CSMD1: variants seen among roughly 807,000 people sequenced by gnomAD.
The protein encoded by CSMD1 is CUB and Sushi multiple domains 1, also known as CUB and sushi domain-containing protein 1.
Under a neutral mutation model 417.5 loss-of-function variants are expected in CSMD1, and 213 were observed. That is an observed-to-expected ratio of 0.51 (90% CI 0.46 to 0.57). CSMD1 has a LOEUF of 0.57. CSMD1 is among the 20% of genes least tolerant of loss of function. The pLI is 0.00. For synonymous variants in CSMD1, 2,862 were observed against 1,736.8 expected (o/e 1.65, Z -16.11); for missense variants, 6,923 against 4,529.7 (o/e 1.53, Z -15.17).
At chr8:4,412,253 T>C (rs534664636) in intron 3 of CSMD1, among the ~76,000 whole-genome samples, 1 of 152,244 alleles carries the variant, frequency 6.6e-6, no homozygotes, top group East Asian at 1.9e-4. Flanking sequence ...GACTAGATCA[T>C]GGTGGGGCAG....
intron 2 of CSMD1, among the ~76,000 whole-genome samples, chr8:4,633,964 C>A (rs1391529101): frequency 6.7e-6 from 1 of 150,108 alleles, no homozygotes; most frequent in Non-Finnish European, 1.5e-5. Flanking sequence ...TAAAGTTCAG[C>A]TGTTTAAAAC....
intron 1 of CSMD1, among the ~76,000 whole-genome samples, chr8:4,674,723 A>T (rs914971058): frequency 6.6e-6 from 1 of 152,218 alleles, no homozygotes; most frequent in East Asian, 1.9e-4. Context: ...GTGCAAATAC[A>T]TATAGAAGAA....
chr8:4,538,304 A>G lies in CSMD1; in HGVS notation c.302+99038T>C, dbSNP rs112987444. Among the ~76,000 whole-genome samples the G allele has an allele frequency of 3.4e-3, 515 of 151,810 alleles. 7 individuals are homozygous for G. Among genetic ancestry groups the G allele is most frequent in the African/African-American group, 0.012 (487 of 41,390 alleles). On this transcript the variant is annotated intron_variant, in intron 2 of 69. Coordinates refer to ENST00000635120, the MANE Select transcript of CSMD1 (RefSeq NM_033225.6). The stretch of plus-strand genomic sequence containing the variant: ...ATCCTACCACTACGACATTGCAAAT[A>G]TTATAACTTCTCCAGAGTTCATATT...
chr8:4,739,344 T>A (rs1810451193), intron 1 of CSMD1, among the ~76,000 whole-genome samples: 1 of 152,194 alleles, frequency 6.6e-6, no homozygotes, highest in African/African-American at 2.4e-5. Flanking sequence ...TGGAGGAATT[T>A]TACCTTACTG....
intron 55 of CSMD1, among the ~76,000 whole-genome samples, chr8:2,976,619 G>C (rs888802658): frequency 1.3e-5 from 2 of 152,196 alleles, no homozygotes; most frequent in Admixed American, 6.5e-5. Context: ...AAAATGCTGG[G>C]ATTACAGGTG....
chr8:4,798,257 G>A (rs537776810), intron 1 of CSMD1, among the ~76,000 whole-genome samples: 11 of 152,234 alleles, frequency 7.2e-5, no homozygotes, highest in African/African-American at 2.6e-4. Flanking sequence ...GTGAGAACAT[G>A]CGGTGTTTGT....
intron 5 of CSMD1, among the ~76,000 whole-genome samples, chr8:3,902,746 G>A (rs952452837): frequency 1.3e-5 from 2 of 152,034 alleles, no homozygotes; most frequent in Non-Finnish European, 2.9e-5. Context: ...CCCTGCTGAG[G>A]TACACATTTC....
chr8:3,949,974 C>G, intron 5 of CSMD1: 1 of 455,898 alleles, frequency 2.2e-6, no homozygotes, highest in East Asian at 7.0e-5. Context: ...CGACGTGTCT[C>G]CAGGCTTGCA....
intron 49 of CSMD1, among the ~76,000 whole-genome samples, chr8:3,069,260 C>T (rs539310431): frequency 5.3e-5 from 8 of 151,960 alleles, no homozygotes; most frequent in Non-Finnish European, 1.0e-4. Context: ...ATGGTGAACA[C>T]CCTGTCGCTA....
At position 3,559,133 on chromosome 8, in the gene CSMD1, G is replaced by C. The variant is rs1662245118; in HGVS notation, c.1344+15812C>G. The stretch of plus-strand genomic sequence containing the variant: ...TGCTATCAACGCTGTTGAAATACAG[G>C]TGTGTGTACCCTGTGGCAGGAACTT... On this transcript the variant is annotated intron_variant, in intron 10 of 69. Transcript: ENST00000635120. Among the ~76,000 whole-genome samples, 5 of 152,328 alleles carry C rather than the reference G, an allele frequency of 3.3e-5. No homozygotes were observed. In the South Asian group the frequency reaches 1.0e-3, roughly 32 times the overall value.
chr8:3,498,917 CTA>C lies in CSMD1; in HGVS notation c.1345-5193_1345-5192del, dbSNP rs3081115. 8.0e-3 allele frequency among the ~76,000 whole-genome samples: 1,220 copies of C among 152,156 alleles called. 20 individuals carry two copies. The highest frequency in any genetic ancestry group is 0.028 in the African/African-American group (1,178 of 41,516). ...ATTGTTTTCCTACTTTTTGAATTGT[CTA>C]TTTTTATTCTACTGATTCTCACGGC... On this transcript the variant is annotated intron_variant, in intron 10 of 69. Coordinates refer to ENST00000635120, the MANE Select transcript of CSMD1 (RefSeq NM_033225.6).
At chr8:3,621,573 G>C (rs1262109569) in intron 7 of CSMD1, among the ~76,000 whole-genome samples, 1 of 151,882 alleles carries the variant, frequency 6.6e-6, no homozygotes, top group Non-Finnish European at 1.5e-5. Context: ...GAAATGCATG[G>C]TTTTTACTTT....
rs144945024 is a variant in CSMD1, at chr8:4,561,134, G to C, written c.302+76208C>G. 9.3e-3 allele frequency among the ~76,000 whole-genome samples: 1,420 copies of C among 152,266 alleles called. 7 individuals carry two copies. The highest frequency in any genetic ancestry group is 0.013 in the Non-Finnish European group (905 of 68,036). ...CATCTGTAATTCCAGTAATTTGAGAGGCCAAGGCAGGTGGATCATGAGGTC... is the reference window on the plus strand; with the variant it reads ...CATCTGTAATTCCAGTAATTTGAGACGCCAAGGCAGGTGGATCATGAGGTC... On this transcript the variant is annotated intron_variant, in intron 2 of 69. Transcript: ENST00000635120.
intron 6 of CSMD1, among the ~76,000 whole-genome samples, chr8:3,714,884 T>C (rs1801739092): frequency 6.6e-6 from 1 of 152,056 alleles, no homozygotes; most frequent in Admixed American, 6.5e-5. Context: ...GAAACATGTT[T>C]TGAACACAAC....
Position 4,532,127 on chromosome 8 carries a change from A to AAT in CSMD1, c.302+105214_302+105215insAT, listed in dbSNP as rs1194768422. Among the ~76,000 whole-genome samples the AAT allele has an allele frequency of 1.3e-3, 178 of 134,604 alleles. 3 individuals are homozygous for AAT. The highest frequency in any genetic ancestry group is 4.7e-3 in the African/African-American group (166 of 35,014). 88.3% of individuals were successfully genotyped at this position (134,604 alleles called of 152,430 possible). The stretch of plus-strand genomic sequence containing the variant: ...GCACCGCCATTCACAGTCACTCCGG[A>AAT]AGAGAAATCCTGCAAGCCCATTCAC... On this transcript the variant is annotated intron_variant, in intron 2 of 69. Transcript: ENST00000635120.
At chr8:2,993,642 C>T (rs984525641) in intron 54 of CSMD1, among the ~76,000 whole-genome samples, 3 of 152,114 alleles carry the variant, frequency 2.0e-5, no homozygotes, top group African/African-American at 7.2e-5. Flanking sequence ...CAAAGGTCTC[C>T]CGGGACGTAT....
chr8:4,673,560 C>A (rs1805484588), intron 1 of CSMD1, among the ~76,000 whole-genome samples: 1 of 152,138 alleles, frequency 6.6e-6, no homozygotes, highest in Non-Finnish European at 1.5e-5. Context: ...ATATCTAGCA[C>A]CTACTTTCTA....
At chr8:4,191,584 G>A (rs1450594349) in intron 3 of CSMD1, among the ~76,000 whole-genome samples, 2 of 151,984 alleles carry the variant, frequency 1.3e-5, no homozygotes, top group Non-Finnish European at 2.9e-5. Flanking sequence ...ATGAATCACT[G>A]TTCTTCAGCT....
At chr8:3,024,315 G>T (rs1329682270) in intron 51 of CSMD1, among the ~76,000 whole-genome samples, 2 of 150,996 alleles carry the variant, frequency 1.3e-5, no homozygotes, top group Non-Finnish European at 3.0e-5. Context: ...AGGGCAGTGG[G>T]GGAGGTTGGG....
Sources: gnomAD v4.1 joint callset for allele counts (sites outside exome capture counted in the v4.1 genomes callset) on GRCh38, gnomAD v4.1.1 for gene constraint, MANE v1.5 for transcripts, NCBI Gene and HGNC (gene_info 2026-07-23, HGNC 2026-07-21) for gene names.